HS6ST3: variants seen among roughly 807,000 people sequenced by gnomAD.
The protein encoded by HS6ST3 is heparan sulfate 6-O-sulfotransferase 3, also known as heparan-sulfate 6-O-sulfotransferase 3.
Under a neutral mutation model 36.7 loss-of-function variants are expected in HS6ST3, and 12 were observed. The observed-to-expected ratio is 0.33, with a 90% CI of 0.21 to 0.53. The LOEUF is 0.53. Among genes scored for constraint, HS6ST3 ranks in the 20% least tolerant of loss-of-function variants. The pLI is 0.95. For missense variants in HS6ST3, 584 were observed against 640.9 expected, an observed-to-expected ratio of 0.91 and a Z score of 0.96; for synonymous variants, 240 against 257.5, an observed-to-expected ratio of 0.93 and a Z score of 0.65.
intron 1 of HS6ST3, among the ~76,000 whole-genome samples, chr13:96,119,080 C>A (rs1444821692): frequency 1.3e-5 from 2 of 152,108 alleles, no homozygotes; most frequent in Non-Finnish European, 2.9e-5. Context: ...GCTTATGTTA[C>A]TAAATGCATG....
intron 1 of HS6ST3, among the ~76,000 whole-genome samples, chr13:96,737,452 C>T (rs1262377337): frequency 6.6e-6 from 1 of 150,820 alleles, no homozygotes; most frequent in East Asian, 1.9e-4. Flanking sequence ...GGTGAAACCC[C>T]GTCTCTACTA....
At chr13:96,173,376 C>T (rs150170235) in intron 1 of HS6ST3, among the ~76,000 whole-genome samples, 18 of 152,070 alleles carry the variant, frequency 1.2e-4, no homozygotes, top group African/African-American at 3.6e-4. Flanking sequence ...TGAACTAATT[C>T]AAGGATAAAA....
chr13:96,220,198 A>G (rs917015699), intron 1 of HS6ST3, among the ~76,000 whole-genome samples: 2 of 152,248 alleles, frequency 1.3e-5, no homozygotes, highest in African/African-American at 4.8e-5. Flanking sequence ...TTGGCATGTA[A>G]TAGTTGCTTA....
intron 1 of HS6ST3, among the ~76,000 whole-genome samples, chr13:96,635,864 C>T (rs1236169123): frequency 6.6e-6 from 1 of 152,082 alleles, no homozygotes; most frequent in African/African-American, 2.4e-5. Context: ...TTTAACCCTA[C>T]ATGAATATGA....
intron 1 of HS6ST3, among the ~76,000 whole-genome samples, chr13:96,126,833 A>C (rs1277783070): frequency 6.6e-6 from 1 of 152,158 alleles, no homozygotes; most frequent in East Asian, 1.9e-4. Context: ...GTCCTGGCTC[A>C]TCTGGGCCTC....
At chr13:96,472,126 A>T (rs2055842871) in intron 1 of HS6ST3, among the ~76,000 whole-genome samples, 1 of 152,228 alleles carries the variant, frequency 6.6e-6, no homozygotes, top group Admixed American at 6.5e-5. Flanking sequence ...TGTTGGTGAG[A>T]TGTATACTTC....
At chr13:96,154,735 T>C (rs964114098) in intron 1 of HS6ST3, among the ~76,000 whole-genome samples, 10 of 152,164 alleles carry the variant, frequency 6.6e-5, no homozygotes, top group East Asian at 3.9e-4. Flanking sequence ...ATGAAGTATG[T>C]ATTTTTTCTC....
intron 1 of HS6ST3, among the ~76,000 whole-genome samples, chr13:96,250,444 G>A (rs1280381367): frequency 6.6e-6 from 1 of 152,192 alleles, no homozygotes; most frequent in Admixed American, 6.5e-5. Context: ...GTCCTAGTAA[G>A]AGACAGAAGA....
At position 96,400,105 on chromosome 13, in the gene HS6ST3, G is replaced by T. The variant is rs552599365; in HGVS notation, c.707+308536G>T. Among the ~76,000 whole-genome samples, 7 of 151,086 alleles carry T rather than the reference G, an allele frequency of 4.6e-5. No individual in the cohort carries two copies. In the East Asian group the frequency reaches 1.4e-3, roughly 30 times the overall value. On this transcript the variant is annotated intron_variant, in intron 1 of 1. Transcript: ENST00000376705. Reference sequence around the variant, plus strand: ...CACCTTTTCAGTGGGAGCCACCTCTGCTTATCTCAGTATACTGGAAATGCT... The same window carrying T: ...CACCTTTTCAGTGGGAGCCACCTCTTCTTATCTCAGTATACTGGAAATGCT...
chr13:96,662,106 G>A lies in HS6ST3; in HGVS notation c.708-170384G>A, dbSNP rs189166038. Among the ~76,000 whole-genome samples the A allele has an allele frequency of 2.6e-5, 4 of 152,176 alleles. No homozygotes were observed. In the East Asian group the frequency reaches 7.7e-4, roughly 29 times the overall value. On this transcript the variant is annotated intron_variant, in intron 1 of 1. Transcript: ENST00000376705. ...GTGCATCTTGCAAACTATCTTTCAG[G>A]TGCTCTGAGTCTCTTGTGTCTGAAT...
chr13:96,163,332 A>T (rs771125725), intron 1 of HS6ST3, among the ~76,000 whole-genome samples: 1 of 148,830 alleles, frequency 6.7e-6, no homozygotes, highest in Non-Finnish European at 1.5e-5. Context: ...CGGGTTCACG[A>T]CATTCTCCTG....
At chr13:96,380,701 AAT>A (rs1302683196) in intron 1 of HS6ST3, among the ~76,000 whole-genome samples, 1 of 152,246 alleles carries the variant, frequency 6.6e-6, no homozygotes, top group Non-Finnish European at 1.5e-5. Context: ...TAAATAAAGA[AAT>A]AGTTTTGGAT....
intron 1 of HS6ST3, among the ~76,000 whole-genome samples, chr13:96,544,090 A>C (rs2056188336): frequency 6.6e-6 from 1 of 152,140 alleles, no homozygotes; most frequent in African/African-American, 2.4e-5. Flanking sequence ...CTACATCCAC[A>C]GAATGGCATA....
intron 1 of HS6ST3, among the ~76,000 whole-genome samples, chr13:96,360,646 C>A (rs369806045): frequency 7.5e-4 from 101 of 134,332 alleles, no homozygotes; most frequent in Admixed American, 8.4e-4. Context: ...TTTGTATTAT[C>A]AAAAAAAAAA....
Position 96,268,224 on chromosome 13 carries a change from A to G in HS6ST3, c.707+176655A>G, listed in dbSNP as rs149165968. 1.3e-3 allele frequency among the ~76,000 whole-genome samples: 191 copies of G among 152,138 alleles called. 2 individuals are homozygous for G. The highest frequency in any genetic ancestry group is 4.4e-3 in the African/African-American group (183 of 41,416). On this transcript the variant is annotated intron_variant, in intron 1 of 1. Transcript: ENST00000376705. Reference sequence around the variant, plus strand: ...GTGTTAGTCCATTCTCACACTGCTAATAAAGACATACCAGAGACTGGGTAA... The same window carrying G: ...GTGTTAGTCCATTCTCACACTGCTAGTAAAGACATACCAGAGACTGGGTAA...
intron 1 of HS6ST3, among the ~76,000 whole-genome samples, chr13:96,306,527 A>G (rs917915380): frequency 4.6e-5 from 7 of 151,994 alleles, no homozygotes; most frequent in African/African-American, 9.7e-5. Flanking sequence ...AATTTATCCA[A>G]ATTATTTTTG....
intron 1 of HS6ST3, among the ~76,000 whole-genome samples, chr13:96,399,534 T>C (rs1392644907): frequency 1.3e-5 from 2 of 152,258 alleles, no homozygotes; most frequent in African/African-American, 4.8e-5. Flanking sequence ...TTAATTTATA[T>C]AAATATTCTT....
At chr13:96,525,152 T>C (rs926489254) in intron 1 of HS6ST3, among the ~76,000 whole-genome samples, 11 of 152,222 alleles carry the variant, frequency 7.2e-5, no homozygotes, top group African/African-American at 2.7e-4. Flanking sequence ...CAATTAAATT[T>C]AAAATGTTTG....
intron 1 of HS6ST3, among the ~76,000 whole-genome samples, chr13:96,541,555 T>G (rs1039474980): frequency 2.0e-5 from 3 of 152,134 alleles, no homozygotes; most frequent in South Asian, 2.1e-4. Flanking sequence ...CTAGCAAAAT[T>G]GAAATGACTA....
Sources: allele counts gnomAD v4.1 joint callset (sites outside exome capture counted in the v4.1 genomes callset), GRCh38; gene constraint gnomAD v4.1.1; transcripts MANE v1.5; gene names NCBI Gene and HGNC (gene_info 2026-07-23, HGNC 2026-07-21).